Variants in GTF2B observed in about 807,000 individuals in gnomAD.
The protein encoded by GTF2B is transcription initiation factor IIB.
GTF2B carries 20 observed loss-of-function variants against 34.6 expected under a neutral mutation model. That is an observed-to-expected ratio of 0.58 (90% confidence interval 0.41 to 0.84). GTF2B has a LOEUF of 0.84. Among genes scored for constraint, GTF2B ranks in the 40% least tolerant of loss-of-function variants. The pLI, the probability that GTF2B is intolerant of heterozygous loss-of-function variation, is 0.00. For missense variants in GTF2B, 237 were observed against 393.3 expected, an observed-to-expected ratio of 0.60 and a Z score of 3.36; for synonymous variants, 142 against 132.4, an observed-to-expected ratio of 1.07 and a Z score of -0.50.
Position 88,891,467 on chromosome 1 carries a change from G to A in GTF2B, c.17+16C>T. ...GCCCGCCCCTCAGCTCGCCGGGCTC[G>A]GCGGGACATACTAACCGGCTGGTAG... On this transcript the variant is annotated intron_variant, in intron 1 of 6. Coordinates refer to ENST00000370500, the MANE Select transcript of GTF2B (RefSeq NM_001514.6). 6.3e-7 allele frequency: 1 copy of A among 1,599,830 alleles called. No homozygotes were observed. Among genetic ancestry groups the A allele is most frequent in the Admixed American group, 1.7e-5 (1 of 58,380 alleles).
chr1:88,883,623 C>T (rs556519940), intron 2 of GTF2B, among the ~76,000 whole-genome samples: 1 of 151,986 alleles, frequency 6.6e-6, no homozygotes, highest in East Asian at 1.9e-4. Context: ...GATCGCACCA[C>T]TGCACTCCAG....
intron 3 of GTF2B, among the ~76,000 whole-genome samples, chr1:88,861,994 C>G (rs937903334): frequency 1.2e-4 from 19 of 152,038 alleles, no homozygotes; most frequent in African/African-American, 4.6e-4. Flanking sequence ...TTAATCAACT[C>G]CAAAGGTACA....
chr1:88,864,436 T>C (rs533976696), intron 2 of GTF2B, among the ~76,000 whole-genome samples: 2 of 152,350 alleles, frequency 1.3e-5, no homozygotes, highest in East Asian at 3.9e-4. Context: ...AACCAGATTT[T>C]GCACAAAATT....
chr1:88,860,029 T>C lies in GTF2B; in HGVS notation c.406-18A>G. On this transcript the variant is annotated intron_variant, in intron 4 of 6. Transcript: ENST00000370500. ...GTTCGATCCTTCAAAGCAGAGAAAC[T>C]AAGTTTAACTCTACGTCATTTAATT... 6.2e-7 allele frequency: 1 copy of C among 1,613,002 alleles called. No homozygotes were observed. Among genetic ancestry groups the C allele is most frequent in the Non-Finnish European group, 8.5e-7 (1 of 1,179,308 alleles).
rs556045676 is a variant in GTF2B, at chr1:88,891,550, G to A, written c.-51C>T. ...ACAAGACACAACAGACACACCGAAA[G>A]CAGGAAGCGAATGTGGCGAAGAGAC... On this transcript the variant is annotated 5_prime_UTR_variant, in exon 1 of 7. Transcript: ENST00000370500. 1.9e-5 allele frequency: 29 copies of A among 1,559,230 alleles called. No individual in the cohort carries two copies. The Admixed American group carries it at 3.8e-4, about 20-fold the overall frequency.
chr1:88,862,504 T>A (rs565798158), intron 3 of GTF2B, among the ~76,000 whole-genome samples: 1 of 152,142 alleles, frequency 6.6e-6, no homozygotes, highest in Non-Finnish European at 1.5e-5. Context: ...ATCAAGCTAC[T>A]GCTGCACTCC....
intron 2 of GTF2B, among the ~76,000 whole-genome samples, chr1:88,872,780 A>C (rs953497309): frequency 2.6e-5 from 4 of 152,132 alleles, no homozygotes; most frequent in Non-Finnish European, 4.4e-5. Flanking sequence ...AAGTCTGCTA[A>C]TTACCACCTA....
intron 2 of GTF2B, among the ~76,000 whole-genome samples, chr1:88,865,698 C>T (rs1360272671): frequency 2.6e-5 from 4 of 151,886 alleles, no homozygotes; most frequent in African/African-American, 7.3e-5. Flanking sequence ...ACTAAAAATA[C>T]AAAATAGCTG....
At chr1:88,891,142 G>GGGGGGGGGGGGGGGGGGGGGA (rs1674192635) in intron 1 of GTF2B, among the ~76,000 whole-genome samples, 1 of 118,358 alleles carries the variant, frequency 8.4e-6, no homozygotes, top group Non-Finnish European at 1.8e-5. Context: ...CGCGGGGGAG[G>GGGGGGGGGGGGGGGGGGGGGA]AGAGGAGGGA....
At chr1:88,869,932 T>C (rs1255379957) in intron 2 of GTF2B, among the ~76,000 whole-genome samples, 1 of 141,548 alleles carries the variant, frequency 7.1e-6, no homozygotes, top group Non-Finnish European at 1.6e-5. Context: ...CAAAATGACT[T>C]TTTTTTTTTT....
chr1:88,878,211 T>G (rs1191595298), intron 2 of GTF2B, among the ~76,000 whole-genome samples: 1 of 152,002 alleles, frequency 6.6e-6, no homozygotes, highest in Non-Finnish European at 1.5e-5. Context: ...GAGGTGGAAG[T>G]TGCAGTGAGT....
At chr1:88,867,535 C>T (rs1673589217) in intron 2 of GTF2B, among the ~76,000 whole-genome samples, 3 of 149,378 alleles carry the variant, frequency 2.0e-5, no homozygotes, top group South Asian at 4.1e-4. Flanking sequence ...CCCAGAGTTA[C>T]TAAATTTTAA....
intron 6 of GTF2B, 43 bp downstream of exon 6, chr1:88,857,163 C>CA: frequency 6.5e-7 from 1 of 1,542,470 alleles, no homozygotes; most frequent in South Asian, 1.2e-5. Flanking sequence ...TCACATGCTG[C>CA]AAATTTCAGT....
chr1:88,859,025 G>A (rs978625820), intron 5 of GTF2B, among the ~76,000 whole-genome samples: 7 of 151,862 alleles, frequency 4.6e-5, no homozygotes, highest in African/African-American at 1.2e-4. Context: ...GCACCACCAC[G>A]CCTGGCTAAT....
At chr1:88,857,691 C>CT (rs368010048) in intron 5 of GTF2B, among the ~76,000 whole-genome samples, 3 of 108,152 alleles carry the variant, frequency 2.8e-5, no homozygotes, top group African/African-American at 1.1e-4. Flanking sequence ...TTCATCACAC[C>CT]TTTTTTTTTG....
chr1:88,857,574 T>C lies in GTF2B; in HGVS notation c.536-87A>G. 6.0e-6 allele frequency: 4 copies of C among 670,624 alleles called. No homozygotes were observed. In the South Asian group the frequency reaches 8.0e-5, roughly 13 times the overall value. 41.5% of individuals were successfully genotyped at this position (670,624 alleles called of 1,614,324 possible). A position where few individuals can be genotyped will look rare whatever the true frequency, so the allele number is the denominator to read the frequency against. ...ACCATTTCTAATTATAAACATAATA[T>C]ACATTCTAATTGTAAAACATTCAAT... On this transcript the variant is annotated intron_variant, in intron 5 of 6. Coordinates refer to ENST00000370500, the MANE Select transcript of GTF2B (RefSeq NM_001514.6).
chr1:88,877,910 G>A (rs761413501), intron 2 of GTF2B, among the ~76,000 whole-genome samples: 1 of 151,870 alleles, frequency 6.6e-6, no homozygotes, highest in East Asian at 1.9e-4. Context: ...CTGCCTGGGC[G>A]ACAGAGCGAG....
chr1:88,879,599 A>G (rs1673888540), intron 2 of GTF2B, among the ~76,000 whole-genome samples: 1 of 149,788 alleles, frequency 6.7e-6, no homozygotes, highest in African/African-American at 2.5e-5. Flanking sequence ...AAAAAAAAAA[A>G]GTAATAGTAA....
intron 3 of GTF2B, among the ~76,000 whole-genome samples, chr1:88,861,016 A>G (rs116087119): frequency 0.014 from 2,202 of 152,316 alleles, 50 homozygotes; most frequent in African/African-American, 0.05. Context: ...ACCTTTATAC[A>G]CCTGGAATAT....
Sources: gnomAD v4.1 joint callset for allele counts (sites outside exome capture counted in the v4.1 genomes callset) on GRCh38, gnomAD v4.1.1 for gene constraint, MANE v1.5 for transcripts, NCBI Gene and HGNC (gene_info 2026-07-23, HGNC 2026-07-21) for gene names.